ARHGAP24: variants seen among roughly 807,000 people sequenced by gnomAD.
ARHGAP24 encodes the protein rho GTPase-activating protein 24.
In ARHGAP24, 50 loss-of-function variants were observed where a neutral mutation model predicts 76.4. The ratio of observed to expected loss-of-function variants is 0.65; its 90% CI spans 0.52 to 0.83. ARHGAP24 has a LOEUF of 0.83. Among genes scored for constraint, ARHGAP24 ranks in the 40% least tolerant of loss-of-function variants. The pLI, the probability that ARHGAP24 is intolerant of heterozygous loss-of-function variation, is 0.00. For missense variants in ARHGAP24, 930 were observed against 914.2 expected (o/e 1.02, Z -0.22); for synonymous variants, 345 against 323.3 (o/e 1.07, Z -0.72).
At chr4:85,671,210 A>T (rs768520098) in intron 2 of ARHGAP24, among the ~76,000 whole-genome samples, 3 of 152,080 alleles carry the variant, frequency 2.0e-5, no homozygotes, top group Non-Finnish European at 2.9e-5. Flanking sequence ...TGCTACCTCT[A>T]AATAGCCTTT....
chr4:85,927,590 C>T (rs1736087483), intron 4 of ARHGAP24, among the ~76,000 whole-genome samples: 1 of 152,022 alleles, frequency 6.6e-6, no homozygotes, highest in Non-Finnish European at 1.5e-5. Flanking sequence ...GTTATGAAAC[C>T]CAGGCCCTGT....
chr4:85,717,665 T>TG (rs1202594536), intron 2 of ARHGAP24, among the ~76,000 whole-genome samples: 1 of 152,138 alleles, frequency 6.6e-6, no homozygotes, highest in Non-Finnish European at 1.5e-5. Context: ...GATTAGCCCT[T>TG]GGCCACTAAA....
At chr4:85,931,760 A>G (rs1208611231) in intron 4 of ARHGAP24, among the ~76,000 whole-genome samples, 1 of 152,202 alleles carries the variant, frequency 6.6e-6, no homozygotes, top group African/African-American at 2.4e-5. Context: ...TTTTCAGGAA[A>G]AGTTTATGGA....
At chr4:85,721,173 A>T (rs1578170480) in intron 2 of ARHGAP24, among the ~76,000 whole-genome samples, 1 of 152,154 alleles carries the variant, frequency 6.6e-6, no homozygotes. Flanking sequence ...AGGCAGGTGG[A>T]TCACCTAAGG....
intron 3 of ARHGAP24, among the ~76,000 whole-genome samples, chr4:85,806,313 A>G (rs1728790780): frequency 6.6e-6 from 1 of 152,206 alleles, no homozygotes; most frequent in African/African-American, 2.4e-5. Context: ...GGACTCTATC[A>G]CAAGCTTCTT....
intron 3 of ARHGAP24, among the ~76,000 whole-genome samples, chr4:85,918,646 T>A (rs1735548626): frequency 6.6e-6 from 1 of 152,118 alleles, no homozygotes; most frequent in Non-Finnish European, 1.5e-5. Context: ...AATCTAACTT[T>A]TAATTTTTGT....
At chr4:85,909,147 C>A (rs894333931) in intron 3 of ARHGAP24, among the ~76,000 whole-genome samples, 1 of 152,126 alleles carries the variant, frequency 6.6e-6, no homozygotes, top group South Asian at 2.1e-4. Flanking sequence ...TCTGAGTGGG[C>A]TTAGGTTTTT....
chr4:85,747,128 C>A (rs72656276), intron 3 of ARHGAP24, among the ~76,000 whole-genome samples: 14,513 of 152,160 alleles, frequency 0.095, 851 homozygotes, highest in African/African-American at 0.16. Context: ...TCCTACTTTT[C>A]AGGAAATGCC....
chr4:85,729,045 C>T (rs1365138389), intron 3 of ARHGAP24, among the ~76,000 whole-genome samples: 3 of 152,108 alleles, frequency 2.0e-5, no homozygotes, highest in African/African-American at 2.4e-5. Flanking sequence ...CTTATCTTAA[C>T]TTTTTTTCTT....
intron 6 of ARHGAP24, chr4:85,972,407 C>T: frequency 1.9e-6 from 1 of 522,456 alleles, no homozygotes; most frequent in South Asian, 2.1e-5. Flanking sequence ...TTGCCGCTTT[C>T]TTTCCCTAAA....
At chr4:85,875,525 A>G (rs1189765326) in intron 3 of ARHGAP24, among the ~76,000 whole-genome samples, 1 of 96,394 alleles carries the variant, frequency 1.0e-5, no homozygotes, top group Non-Finnish European at 1.8e-5. Flanking sequence ...ATTATATTGT[A>G]TATAATATAT....
At chr4:85,578,787 A>G (rs909909773) in intron 2 of ARHGAP24, among the ~76,000 whole-genome samples, 4 of 152,212 alleles carry the variant, frequency 2.6e-5, no homozygotes, top group African/African-American at 7.2e-5. Flanking sequence ...TTTGTCCATC[A>G]GGATACATTA....
intron 1 of ARHGAP24, among the ~76,000 whole-genome samples, chr4:85,501,114 C>G (rs1444139808): frequency 1.3e-5 from 2 of 152,134 alleles, no homozygotes; most frequent in Non-Finnish European, 2.9e-5. Flanking sequence ...TTTCTTAATC[C>G]AATCTATCAG....
intron 3 of ARHGAP24, among the ~76,000 whole-genome samples, chr4:85,868,560 T>C (rs762751651): frequency 2.0e-5 from 3 of 152,108 alleles, no homozygotes; most frequent in Middle Eastern, 3.2e-3. Flanking sequence ...AATAAATATT[T>C]ATGAGTGGAT....
chr4:85,745,394 A>AT (rs1186771543), intron 3 of ARHGAP24, among the ~76,000 whole-genome samples: 1 of 90,066 alleles, frequency 1.1e-5, no homozygotes, highest in Non-Finnish European at 2.9e-5. Context: ...GTGCATATAT[A>AT]ATATATATAG....
At chr4:85,716,142 GT>G (rs757796968) in intron 2 of ARHGAP24, among the ~76,000 whole-genome samples, 1 of 150,254 alleles carries the variant, frequency 6.7e-6, no homozygotes, top group African/African-American at 2.5e-5. Flanking sequence ...ACACATGCAT[GT>G]TTTTTTTCCA....
intron 2 of ARHGAP24, among the ~76,000 whole-genome samples, chr4:85,655,806 G>GAA (rs1722135786): frequency 1.3e-5 from 1 of 79,616 alleles, no homozygotes; most frequent in African/African-American, 6.8e-5. Flanking sequence ...GAGAGAGAGA[G>GAA]AGAGAGAGAG....
intron 3 of ARHGAP24, among the ~76,000 whole-genome samples, chr4:85,851,269 A>C (rs1731213919): frequency 1.3e-5 from 2 of 152,210 alleles, no homozygotes; most frequent in Admixed American, 1.3e-4. Context: ...CTATGACAGC[A>C]ATCCCTGCTT....
At chr4:85,726,550 G>A (rs1725175201) in intron 3 of ARHGAP24, among the ~76,000 whole-genome samples, 2 of 152,142 alleles carry the variant, frequency 1.3e-5, no homozygotes, top group East Asian at 1.9e-4. Flanking sequence ...TTGCTAACTA[G>A]TCATTGATTG....
Sources: allele counts gnomAD v4.1 joint callset (sites outside exome capture counted in the v4.1 genomes callset), GRCh38; gene constraint gnomAD v4.1.1; transcripts MANE v1.5; gene names NCBI Gene and HGNC (gene_info 2026-07-23, HGNC 2026-07-21).